Variants in MIPEP observed in about 807,000 individuals in gnomAD.
MIPEP encodes the protein mitochondrial intermediate peptidase.
A neutral mutation model predicts 90.3 loss-of-function variants in MIPEP; 79 were observed. That is an observed-to-expected ratio of 0.87 (90% CI 0.73 to 1.05). MIPEP has a LOEUF of 1.05. Ranked by LOEUF, MIPEP falls within the 50% of genes least tolerant of loss-of-function variation. The pLI is 0.00. For missense variants in MIPEP, 940 were observed against 905.6 expected (o/e 1.04, Z -0.49); for synonymous variants, 334 against 315.8 (o/e 1.06, Z -0.61).
intron 18 of MIPEP, among the ~76,000 whole-genome samples, chr13:23,736,789 C>A (rs1374042835): frequency 3.3e-5 from 5 of 152,124 alleles, no homozygotes; most frequent in African/African-American, 1.2e-4. Flanking sequence ...ACAGAGCATT[C>A]ACTGTGCACC....
At chr13:23,760,445 C>A in intron 16 of MIPEP, 1 of 708,866 alleles carries the variant, frequency 1.4e-6, no homozygotes, top group Non-Finnish European at 2.6e-6. Context: ...AGCCATACCT[C>A]AGAATGTGAC....
intron 12 of MIPEP, among the ~76,000 whole-genome samples, chr13:23,839,288 C>CT (rs1869191838): frequency 1.3e-5 from 2 of 152,306 alleles, no homozygotes; most frequent in South Asian, 4.1e-4. Context: ...ACCTCTATGG[C>CT]TTCAGTTTCC....
Position 23,758,722 on chromosome 13 carries a change from C to G in MIPEP, c.1970+1374G>C, listed in dbSNP as rs974565790. ...AAAATATTTAAAAATTCTATGACAT[C>G]ACATTCAGACTCAAATAATTTGAAA... On this transcript the variant is annotated intron_variant, in intron 17 of 18. Transcript: ENST00000382172. Among the ~76,000 whole-genome samples, 7 of 152,306 alleles carry G rather than the reference C, an allele frequency of 4.6e-5. No homozygotes were observed. The East Asian group carries it at 1.2e-3, about 25-fold the overall frequency.
chr13:23,871,508 C>G (rs1405453293), intron 5 of MIPEP, among the ~76,000 whole-genome samples: 1 of 152,186 alleles, frequency 6.6e-6, no homozygotes, highest in Non-Finnish European at 1.5e-5. Context: ...AGGCTCCGCA[C>G]TGGGCTCATG....
rs770051539 is a variant in MIPEP at position 23,730,232 on chromosome 13, T to A, written c.*116A>T. ...TATTCCAAGTTCTACCAGTTTAAAG[T>A]TTTTCAGAATTACAGAAGCGAACAA... On this transcript the variant is annotated 3_prime_UTR_variant, in exon 19 of 19. Coordinates refer to ENST00000382172, the MANE Select transcript of MIPEP (RefSeq NM_005932.4). 3 of 685,906 alleles carry A rather than the reference T, an allele frequency of 4.4e-6. No homozygotes were observed. The highest frequency in any genetic ancestry group is 7.5e-6 in the Non-Finnish European group (3 of 399,918). The allele number at this position is 685,906 out of a possible 1,614,324, so 42.5% of individuals were successfully genotyped here. A position where few individuals can be genotyped will look rare whatever the true frequency, so the allele number is the denominator to read the frequency against.
intron 10 of MIPEP, among the ~76,000 whole-genome samples, chr13:23,851,330 C>T (rs1467417221): frequency 1.3e-5 from 2 of 152,192 alleles, no homozygotes; most frequent in Non-Finnish European, 1.5e-5. Flanking sequence ...CTGTAATAGA[C>T]TGAAACACAA....
intron 16 of MIPEP, among the ~76,000 whole-genome samples, chr13:23,803,012 C>A (rs181964898): frequency 6.6e-6 from 1 of 151,974 alleles, no homozygotes; most frequent in Non-Finnish European, 1.5e-5. Flanking sequence ...GGGACTTGAC[C>A]GCATCATAAG....
At chr13:23,795,979 A>C (rs917844805) in intron 16 of MIPEP, among the ~76,000 whole-genome samples, 2 of 152,090 alleles carry the variant, frequency 1.3e-5, no homozygotes, top group African/African-American at 4.8e-5. Flanking sequence ...TAAGTGATGG[A>C]GCAAGACCCT....
chr13:23,784,508 C>CA (rs1952816237), intron 16 of MIPEP, among the ~76,000 whole-genome samples: 1 of 152,092 alleles, frequency 6.6e-6, no homozygotes. Flanking sequence ...TAAAGACTTA[C>CA]ATGTTAGACC....
intron 14 of MIPEP, among the ~76,000 whole-genome samples, chr13:23,834,072 G>A (rs1448392364): frequency 1.3e-5 from 2 of 152,058 alleles, no homozygotes; most frequent in South Asian, 2.1e-4. Context: ...GCGGGTTGCT[G>A]GGTCGCCAGA....
chr13:23,847,766 T>C (rs1388030019), intron 10 of MIPEP, among the ~76,000 whole-genome samples: 1 of 152,124 alleles, frequency 6.6e-6, no homozygotes, highest in Non-Finnish European at 1.5e-5. Context: ...AGGCAAAGGG[T>C]TTGAAGCTAA....
intron 18 of MIPEP, among the ~76,000 whole-genome samples, chr13:23,736,888 A>C (rs1194113051): frequency 6.6e-6 from 1 of 152,200 alleles, no homozygotes; most frequent in African/African-American, 2.4e-5. Flanking sequence ...AGAAGCCAAG[A>C]GAGTCACACA....
rs1555237538 is a variant in MIPEP at position 23,831,383 on chromosome 13, C to CGGCG, written c.1653+4856_1653+4857insCGCC. Reference sequence around the variant, plus strand: ...CGGGGACAGCCTAGCTTCCCCATGGCGGGGGGGGGATGTGGATGGGAATTG... The same window carrying CGGCG: ...CGGGGACAGCCTAGCTTCCCCATGGCGGCGGGGGGGGGGATGTGGATGGGAATTG... On this transcript the variant is annotated intron_variant, in intron 14 of 18. Coordinates refer to ENST00000382172, the MANE Select transcript of MIPEP (RefSeq NM_005932.4). Among the ~76,000 whole-genome samples, 5 of 40,920 alleles carry CGGCG rather than the reference C, an allele frequency of 1.2e-4. 1 individual carries two copies. Among genetic ancestry groups the CGGCG allele is most frequent in the African/African-American group, 3.3e-4 (4 of 11,984 alleles). The allele number at this position is 40,920 out of a possible 152,430, so 26.8% of individuals were successfully genotyped here. A position where few individuals can be genotyped will look rare whatever the true frequency, so the allele number is the denominator to read the frequency against.
chr13:23,885,768 A>G (rs1381328407), intron 2 of MIPEP, among the ~76,000 whole-genome samples: 1 of 151,564 alleles, frequency 6.6e-6, no homozygotes, highest in Non-Finnish European at 1.5e-5. Flanking sequence ...GAAAAGGTTT[A>G]TTAAAACTGG....
At chr13:23,803,259 A>C (rs1390038666) in intron 16 of MIPEP, among the ~76,000 whole-genome samples, 1 of 152,030 alleles carries the variant, frequency 6.6e-6, no homozygotes, top group East Asian at 1.9e-4. Flanking sequence ...GCTACTCAGG[A>C]GGCTGAGGAA....
At chr13:23,829,463 C>T (rs1425179699) in intron 14 of MIPEP, among the ~76,000 whole-genome samples, 1 of 151,890 alleles carries the variant, frequency 6.6e-6, no homozygotes, top group Non-Finnish European at 1.5e-5. Flanking sequence ...ACTATAAAGA[C>T]AAGATTGATA....
At chr13:23,822,326 T>A (rs1238637332) in intron 14 of MIPEP, among the ~76,000 whole-genome samples, 1 of 152,202 alleles carries the variant, frequency 6.6e-6, no homozygotes, top group Non-Finnish European at 1.5e-5. Flanking sequence ...TATATGACTA[T>A]AACAAGACAA....
At position 23,730,756 on chromosome 13, in the gene MIPEP, AT is replaced by A. The variant is rs968567178; in HGVS notation, c.2045-312del. Among the ~76,000 whole-genome samples the A allele has an allele frequency of 6.7e-4, 102 of 151,776 alleles. 1 individual carries two copies. Among genetic ancestry groups the A allele is most frequent in the Admixed American group, 5.5e-3 (83 of 15,222 alleles). ...CTTAGAGACTGATATTAGAAGACTG[AT>A]TTTTTTTTAGTTATCTTTGACTGGG... On this transcript the variant is annotated intron_variant, in intron 18 of 18. Coordinates refer to ENST00000382172, the MANE Select transcript of MIPEP (RefSeq NM_005932.4).
At chr13:23,811,094 A>G (rs1240931362) in intron 14 of MIPEP, among the ~76,000 whole-genome samples, 1 of 152,198 alleles carries the variant, frequency 6.6e-6, no homozygotes, top group African/African-American at 2.4e-5. Flanking sequence ...CTCAAACAGG[A>G]TTTTTAACAG....
Sources: allele counts gnomAD v4.1 joint callset (sites outside exome capture counted in the v4.1 genomes callset), GRCh38; gene constraint gnomAD v4.1.1; transcripts MANE v1.5; gene names NCBI Gene and HGNC (gene_info 2026-07-23, HGNC 2026-07-21).